The following PPP2R2B variants were observed in gnomAD, a reference collection of about 807,000 sequenced individuals.
PPP2R2B encodes the protein serine/threonine-protein phosphatase 2A 55 kDa regulatory subunit B beta isoform.
A neutral mutation model predicts 46.0 loss-of-function variants in PPP2R2B; 5 were observed. The ratio of observed to expected loss-of-function variants is 0.11; its 90% confidence interval spans 0.06 to 0.23. The LOEUF (loss-of-function observed/expected upper bound fraction) is 0.23. PPP2R2B is among the 10% of genes least tolerant of loss of function. PPP2R2B has a pLI of 1.00. For missense variants in PPP2R2B, 367 were observed against 575.0 expected (o/e 0.64, Z 3.70); for synonymous variants, 215 against 206.7 (o/e 1.04, Z -0.34).
At chr5:147,072,182 T>C (rs1424872451) in intron 2 of PPP2R2B, among the ~76,000 whole-genome samples, 1 of 151,952 alleles carries the variant, frequency 6.6e-6, no homozygotes. Flanking sequence ...AGGTCTACTA[T>C]CTATAATATC....
intron 6 of PPP2R2B, among the ~76,000 whole-genome samples, chr5:146,645,283 C>T (rs1775503370): frequency 6.6e-6 from 1 of 152,058 alleles, no homozygotes; most frequent in East Asian, 1.9e-4. Flanking sequence ...ATCTTATTAG[C>T]TGAAAGGACA....
intron 5 of PPP2R2B, among the ~76,000 whole-genome samples, chr5:146,672,193 T>C (rs534561733): frequency 4.1e-4 from 62 of 152,136 alleles, no homozygotes; most frequent in African/African-American, 1.2e-3. Context: ...CAAGAGGAGA[T>C]GTAAATTTCC....
Position 146,698,164 on chromosome 5 carries a change from T to A in PPP2R2B, c.169-20A>T. 1 of 1,562,548 alleles carries A rather than the reference T, an allele frequency of 6.4e-7. No individual in the cohort carries two copies. Among genetic ancestry groups the A allele is most frequent in the Non-Finnish European group, 8.6e-7 (1 of 1,160,748 alleles). On this transcript the variant is annotated intron_variant, in intron 3 of 9. Transcript: ENST00000394411. ...TTTACTCTGTAGGAAAGGAAAAAAA[T>A]ACACAACAGATTAAATCACAGTAGC...
rs374319097 is a variant in PPP2R2B, at chr5:146,665,739, C to A, written c.448-15015G>T. ...TCTTCCTCACTAAGCTTAATCATTTCTAGCTTTTGATTTAAAATGAGAAAC... is the reference window on the plus strand; with the variant it reads ...TCTTCCTCACTAAGCTTAATCATTTATAGCTTTTGATTTAAAATGAGAAAC... On this transcript the variant is annotated intron_variant, in intron 5 of 9. Coordinates refer to ENST00000394411, the MANE Select transcript of PPP2R2B (RefSeq NM_181675.4). Among the ~76,000 whole-genome samples, 84 of 152,284 alleles carry A rather than the reference C, an allele frequency of 5.5e-4. 1 individual carries two copies. The South Asian group carries it at 0.017, about 30-fold the overall frequency.
intron 1 of PPP2R2B, among the ~76,000 whole-genome samples, chr5:146,983,381 C>T (rs759699679): frequency 3.4e-4 from 51 of 152,104 alleles, no homozygotes; most frequent in Non-Finnish European, 5.9e-4. Flanking sequence ...GGGGTTTCAC[C>T]ATGTTAGCCA....
At chr5:146,925,547 T>C (rs1052419825) in intron 1 of PPP2R2B, among the ~76,000 whole-genome samples, 3 of 152,218 alleles carry the variant, frequency 2.0e-5, no homozygotes, top group African/African-American at 7.2e-5. Flanking sequence ...GTGCTATTCT[T>C]CTTGCTGCTT....
At chr5:146,862,132 C>A (rs1202312467) in intron 2 of PPP2R2B, among the ~76,000 whole-genome samples, 1 of 152,156 alleles carries the variant, frequency 6.6e-6, no homozygotes, top group Non-Finnish European at 1.5e-5. Context: ...TTTGACATCT[C>A]CCCTGCATCT....
chr5:146,825,996 A>T (rs142702827), intron 2 of PPP2R2B, among the ~76,000 whole-genome samples: 1 of 152,314 alleles, frequency 6.6e-6, no homozygotes, highest in African/African-American at 2.4e-5. Context: ...TGAGTTATAG[A>T]TATAAGAAGA....
At chr5:146,624,425 T>TA (rs1404015582) in intron 7 of PPP2R2B, among the ~76,000 whole-genome samples, 1 of 152,010 alleles carries the variant, frequency 6.6e-6, no homozygotes, top group Non-Finnish European at 1.5e-5. Flanking sequence ...ATCTTTTTTT[T>TA]AAAAAAACAG....
chr5:146,825,802 T>A (rs1561937726), intron 2 of PPP2R2B, among the ~76,000 whole-genome samples: 1 of 152,372 alleles, frequency 6.6e-6, no homozygotes, highest in East Asian at 1.9e-4. Context: ...GCTATGACAG[T>A]GTGCTATGAC....
intron 1 of PPP2R2B, among the ~76,000 whole-genome samples, chr5:146,913,913 C>G (rs578027569): frequency 1.3e-5 from 2 of 152,264 alleles, no homozygotes; most frequent in East Asian, 3.9e-4. Context: ...CTTACGTGGT[C>G]TTTGGTAGGA....
chr5:146,903,496 A>G (rs868733235), intron 1 of PPP2R2B, among the ~76,000 whole-genome samples: 2 of 151,298 alleles, frequency 1.3e-5, no homozygotes, highest in Middle Eastern at 3.4e-3. Context: ...AGCAGGTTCA[A>G]GTAATCCTTT....
chr5:146,810,987 C>T lies in PPP2R2B; in HGVS notation c.70+67015G>A, dbSNP rs1050243849. On this transcript the variant is annotated intron_variant, in intron 2 of 9. Transcript: ENST00000394411. ...GAACATGCGGTGTTTGGTTTTTTGT[C>T]CTTGTGATAGTTTGCCGAGAATGAT... Among the ~76,000 whole-genome samples the T allele has an allele frequency of 3.4e-5, 5 of 149,152 alleles. 1 individual carries two copies. The South Asian group carries it at 8.6e-4, about 26-fold the overall frequency.
Position 146,871,314 on chromosome 5 carries a change from A to G in PPP2R2B, c.70+6688T>C, listed in dbSNP as rs188095916. Among the ~76,000 whole-genome samples, 754 of 152,330 alleles carry G rather than the reference A, an allele frequency of 4.9e-3. 6 individuals carry two copies. The highest frequency in any genetic ancestry group is 8.1e-3 in the Non-Finnish European group (550 of 68,024). On this transcript the variant is annotated intron_variant, in intron 2 of 9. Transcript: ENST00000394411. ...TTCTCTTGCTGTGGCCCAGGCAACTATATGAGTTGTCATGAGCTGGGAAGA... is the reference window on the plus strand; with the variant it reads ...TTCTCTTGCTGTGGCCCAGGCAACTGTATGAGTTGTCATGAGCTGGGAAGA...
chr5:146,627,526 G>C (rs1356570163), intron 7 of PPP2R2B, among the ~76,000 whole-genome samples: 2 of 152,292 alleles, frequency 1.3e-5, no homozygotes, highest in East Asian at 3.9e-4. Context: ...GGTCAGGCTG[G>C]GGAATCCAGC....
intron 2 of PPP2R2B, among the ~76,000 whole-genome samples, chr5:147,074,662 T>A (rs1434387244): frequency 2.0e-5 from 3 of 152,158 alleles, no homozygotes; most frequent in Admixed American, 2.0e-4. Flanking sequence ...ATTCTTATAA[T>A]CTCGAATTTC....
chr5:146,961,035 G>A (rs1752146435), intron 1 of PPP2R2B, among the ~76,000 whole-genome samples: 5 of 152,046 alleles, frequency 3.3e-5, no homozygotes, highest in Admixed American at 3.3e-4. Context: ...ATCCTCTTAT[G>A]AAAACAATAT....
intron 4 of PPP2R2B, among the ~76,000 whole-genome samples, chr5:146,696,180 T>C (rs1193810954): frequency 6.6e-6 from 1 of 151,562 alleles, no homozygotes; most frequent in Non-Finnish European, 1.5e-5. Flanking sequence ...CTCGGCTTAC[T>C]CCAAGCCCCG....
chr5:146,638,515 C>A, intron 6 of PPP2R2B, 100 bp from the exon 7 acceptor site: 1 of 1,143,194 alleles, frequency 8.7e-7, no homozygotes, highest in South Asian at 1.7e-5. Flanking sequence ...TAAAATATGT[C>A]AACATTTGCT....
Sources: allele counts gnomAD v4.1 joint callset (sites outside exome capture counted in the v4.1 genomes callset), GRCh38; gene constraint gnomAD v4.1.1; transcripts MANE v1.5; gene names NCBI Gene and HGNC (gene_info 2026-07-23, HGNC 2026-07-21).